Variants in WWOX observed in about 807,000 individuals in gnomAD.
The protein encoded by WWOX is WW domain-containing oxidoreductase.
A neutral mutation model predicts 46.2 loss-of-function variants in WWOX; 69 were observed. That is an observed-to-expected ratio of 1.49 (90% CI 1.23 to 1.82). The LOEUF (loss-of-function observed/expected upper bound fraction) is 1.82, where lower values mean the gene tolerates loss of function less well. Among genes scored for constraint, WWOX ranks in the 40% most tolerant of loss-of-function variants. WWOX has a pLI of 0.00. For synonymous variants in WWOX, 359 were observed against 202.6 expected (o/e 1.77, Z -6.56); for missense variants, 919 against 542.6 (o/e 1.69, Z -6.89).
intron 1 of WWOX, among the ~76,000 whole-genome samples, chr16:78,102,391 C>T (rs900526163): frequency 3.3e-5 from 5 of 152,206 alleles, no homozygotes; most frequent in African/African-American, 1.2e-4. Flanking sequence ...ATTTCTGTGC[C>T]TTGCCGAGAA....
rs139209602 is a variant in WWOX, at chr16:78,829,654, G to T, written c.1057-381954G>T. Among the ~76,000 whole-genome samples the T allele has an allele frequency of 3.1e-3, 464 of 152,096 alleles. 2 individuals carry two copies. The highest frequency in any genetic ancestry group is 0.011 in the African/African-American group (449 of 41,492). ...TTTCCCTTAGCCTGTACTAGGTTCTGTGCCAAGGATTTTAGAAAGTCATGT... is the reference window on the plus strand; with the variant it reads ...TTTCCCTTAGCCTGTACTAGGTTCTTTGCCAAGGATTTTAGAAAGTCATGT... On this transcript the variant is annotated intron_variant, in intron 8 of 8. Transcript: ENST00000566780.
chr16:78,558,919 A>G (rs748818444), intron 8 of WWOX, among the ~76,000 whole-genome samples: 4 of 152,178 alleles, frequency 2.6e-5, no homozygotes, highest in Non-Finnish European at 4.4e-5. Context: ...ACTAACCCCT[A>G]CAACCATGGT....
chr16:78,574,118 G>C (rs534147449), intron 8 of WWOX, among the ~76,000 whole-genome samples: 16 of 152,302 alleles, frequency 1.1e-4, no homozygotes, highest in African/African-American at 3.8e-4. Context: ...GTACCCCTCA[G>C]CTCCTAGAGG....
intron 8 of WWOX, among the ~76,000 whole-genome samples, chr16:79,178,905 T>A (rs2050855435): frequency 6.6e-6 from 1 of 152,224 alleles, no homozygotes; most frequent in Admixed American, 6.5e-5. Flanking sequence ...CAGAGAGCTG[T>A]TTAGTTAGAA....
At chr16:79,055,508 C>G (rs1187542181) in intron 8 of WWOX, among the ~76,000 whole-genome samples, 1 of 152,152 alleles carries the variant, frequency 6.6e-6, no homozygotes, top group Non-Finnish European at 1.5e-5. Flanking sequence ...GGCCAACCTC[C>G]ATCCATTGGA....
intron 8 of WWOX, among the ~76,000 whole-genome samples, chr16:78,564,877 C>G (rs1725770464): frequency 1.3e-5 from 2 of 152,046 alleles, no homozygotes; most frequent in South Asian, 4.2e-4. Flanking sequence ...CCTTTTCTCC[C>G]CACTCTTGAC....
intron 8 of WWOX, among the ~76,000 whole-genome samples, chr16:78,633,728 TG>T (rs1289454447): frequency 2.0e-5 from 3 of 152,216 alleles, no homozygotes; most frequent in African/African-American, 7.2e-5. Context: ...CTGGCAGGCC[TG>T]GCTTTCTTCT....
rs146117185 is a variant in WWOX, at chr16:79,053,596, T to C, written c.1057-158012T>C. The stretch of plus-strand genomic sequence containing the variant: ...ATTAAAGCAACTTGGAAGATATGAA[T>C]ATTAATCTAATTATATTCCGATCAC... On this transcript the variant is annotated intron_variant, in intron 8 of 8. Coordinates refer to ENST00000566780, the MANE Select transcript of WWOX (RefSeq NM_016373.4). 7.4e-4 allele frequency among the ~76,000 whole-genome samples: 113 copies of C among 152,342 alleles called. 2 individuals carry two copies. In the East Asian group the frequency reaches 0.019, roughly 25 times the overall value.
chr16:78,508,499 G>C (rs1363944640), intron 8 of WWOX, among the ~76,000 whole-genome samples: 2 of 152,090 alleles, frequency 1.3e-5, no homozygotes, highest in African/African-American at 4.8e-5. Context: ...CTGCAGAACA[G>C]GGTTGGCCAG....
intron 8 of WWOX, among the ~76,000 whole-genome samples, chr16:79,048,420 T>A (rs2048106287): frequency 6.6e-6 from 1 of 152,030 alleles, no homozygotes; most frequent in South Asian, 2.1e-4. Flanking sequence ...CTGATTACCG[T>A]CCCCCGTGAT....
chr16:78,540,500 G>T (rs1243107051), intron 8 of WWOX, among the ~76,000 whole-genome samples: 1 of 152,064 alleles, frequency 6.6e-6, no homozygotes, highest in Non-Finnish European at 1.5e-5. Context: ...AATGAGAAAA[G>T]GATTAGTTTT....
chr16:79,104,048 G>C (rs865933424), intron 8 of WWOX, among the ~76,000 whole-genome samples: 2 of 102,088 alleles, frequency 2.0e-5, no homozygotes, highest in African/African-American at 3.7e-5. Context: ...GGGGGGGGGG[G>C]GGCGGGTGGT....
chr16:78,890,305 C>T (rs2044561146), intron 8 of WWOX: 3 of 137,858 alleles, frequency 2.2e-5, no homozygotes, highest in South Asian at 2.1e-4. Context: ...CTTATTTGAC[C>T]TCTTGCCTCT....
At chr16:78,608,786 G>C (rs1308833131) in intron 8 of WWOX, among the ~76,000 whole-genome samples, 3 of 152,052 alleles carry the variant, frequency 2.0e-5, no homozygotes, top group African/African-American at 7.2e-5. Context: ...GCCCTCCAGG[G>C]GTTCCTGGGT....
intron 8 of WWOX, among the ~76,000 whole-genome samples, chr16:78,938,508 C>G (rs1341874775): frequency 6.9e-6 from 1 of 145,558 alleles, no homozygotes; most frequent in African/African-American, 2.6e-5. Context: ...CTCGGTGGGC[C>G]TGTTTGAGTT....
At chr16:78,861,361 C>G (rs529553153) in intron 8 of WWOX, among the ~76,000 whole-genome samples, 171 of 152,228 alleles carry the variant, frequency 1.1e-3, no homozygotes, top group Non-Finnish European at 2.0e-3. Flanking sequence ...ATTTTTGGCT[C>G]CAGCTTATTA....
At chr16:78,922,299 G>C (rs957694850) in intron 8 of WWOX, among the ~76,000 whole-genome samples, 16 of 152,166 alleles carry the variant, frequency 1.1e-4, no homozygotes, top group South Asian at 2.1e-4. Flanking sequence ...ATCACATTAA[G>C]AGTCTCCAGA....
chr16:78,155,710 G>A (rs1057504055), intron 4 of WWOX, among the ~76,000 whole-genome samples: 1 of 152,152 alleles, frequency 6.6e-6, no homozygotes, highest in Non-Finnish European at 1.5e-5. Flanking sequence ...GATGAATCAG[G>A]TTATTAAATT....
At chr16:78,416,967 C>G (rs1343876298) in intron 6 of WWOX, among the ~76,000 whole-genome samples, 1 of 151,876 alleles carries the variant, frequency 6.6e-6, no homozygotes, top group Admixed American at 6.6e-5. Context: ...GAAGTTGGTT[C>G]TGTCCATTTC....
Sources: allele counts gnomAD v4.1 joint callset (sites outside exome capture counted in the v4.1 genomes callset), GRCh38; gene constraint gnomAD v4.1.1; transcripts MANE v1.5; gene names NCBI Gene and HGNC (gene_info 2026-07-23, HGNC 2026-07-21).